The following CWH43 variants were observed in gnomAD, a reference collection of about 807,000 sequenced individuals.
The protein encoded by CWH43 is PGAP2-interacting protein.
CWH43 carries 91 observed loss-of-function variants against 85.7 expected under a neutral mutation model. The observed-to-expected ratio is 1.06, with a 90% CI of 0.90 to 1.26. The LOEUF (loss-of-function observed/expected upper bound fraction) is 1.26, where lower values mean the gene tolerates loss of function less well. Ranked by LOEUF, CWH43 falls within the 50% of genes most tolerant of loss-of-function variation. CWH43 has a pLI of 0.00. For synonymous variants in CWH43, 323 were observed against 293.6 expected (o/e 1.10, Z -1.02); for missense variants, 869 against 839.2 (o/e 1.04, Z -0.44).
At chr4:49,015,393 T>C (rs111604545) in intron 8 of CWH43, among the ~76,000 whole-genome samples, 5 of 152,272 alleles carry the variant, frequency 3.3e-5, no homozygotes, top group African/African-American at 1.2e-4. Context: ...TCCTGTCTTC[T>C]GCTGTTGAGA....
intron 9 of CWH43, among the ~76,000 whole-genome samples, chr4:49,026,032 T>C (rs2109797878): frequency 6.6e-6 from 1 of 152,280 alleles, no homozygotes; most frequent in Admixed American, 6.5e-5. Flanking sequence ...GTAGCTGCTG[T>C]GGGAGATGGG....
intron 13 of CWH43, among the ~76,000 whole-genome samples, chr4:49,040,685 C>T (rs952902451): frequency 3.3e-5 from 5 of 151,594 alleles, no homozygotes; most frequent in East Asian, 1.9e-4. Flanking sequence ...TTCTCCCATT[C>T]TGTAGGTTGC....
intron 15 of CWH43, 92 bp from the exon 16 acceptor site, chr4:49,061,720 T>C (rs1453453615): frequency 9.3e-7 from 1 of 1,074,588 alleles, no homozygotes; most frequent in African/African-American, 1.6e-5. Context: ...CATTTGCTAT[T>C]TTATTTTATG....
chr4:49,052,408 C>G (rs1784827906), intron 15 of CWH43, among the ~76,000 whole-genome samples: 1 of 152,046 alleles, frequency 6.6e-6, no homozygotes, highest in Non-Finnish European at 1.5e-5. Flanking sequence ...ATGAATGGCA[C>G]AAAAAGTTTT....
chr4:48,990,827 C>T (rs1782637611), intron 2 of CWH43, among the ~76,000 whole-genome samples: 1 of 152,112 alleles, frequency 6.6e-6, no homozygotes, highest in African/African-American at 2.4e-5. Flanking sequence ...AACTTGTACA[C>T]AAATGTTCAT....
At chr4:49,056,603 C>A (rs1784972545) in intron 15 of CWH43, among the ~76,000 whole-genome samples, 1 of 151,716 alleles carries the variant, frequency 6.6e-6, no homozygotes, top group African/African-American at 2.4e-5. Context: ...TTTATCTTTT[C>A]AAAAAACCAA....
intron 14 of CWH43, among the ~76,000 whole-genome samples, chr4:49,048,711 C>G (rs1329655272): frequency 2.0e-5 from 3 of 152,032 alleles, no homozygotes; most frequent in Admixed American, 6.6e-5. Context: ...TCAGGCCCCC[C>G]CTGCACTTAT....
At chr4:48,990,469 T>C (rs902019946) in intron 2 of CWH43, among the ~76,000 whole-genome samples, 1 of 152,176 alleles carries the variant, frequency 6.6e-6, no homozygotes, top group African/African-American at 2.4e-5. Flanking sequence ...TGAGATATTC[T>C]TATATAAATA....
chr4:49,004,177 A>G (rs1360130815), intron 7 of CWH43, among the ~76,000 whole-genome samples, 185 bp downstream of exon 7: 1 of 152,220 alleles, frequency 6.6e-6, no homozygotes, highest in African/African-American at 2.4e-5. Flanking sequence ...ATTAAAATCA[A>G]ATGTATTAAT....
intron 14 of CWH43, among the ~76,000 whole-genome samples, chr4:49,046,649 G>A (rs1784632827): frequency 1.3e-5 from 2 of 152,106 alleles, no homozygotes; most frequent in African/African-American, 4.8e-5. Flanking sequence ...GACCCCACCT[G>A]TGCATACCCT....
chr4:49,029,840 T>A (rs1784038662), intron 10 of CWH43, among the ~76,000 whole-genome samples: 1 of 152,194 alleles, frequency 6.6e-6, no homozygotes, highest in South Asian at 2.1e-4. Flanking sequence ...TTGCTCACGT[T>A]TTCCTGCCGA....
chr4:49,030,908 A>G lies in CWH43; in HGVS notation c.1456A>G (p.Lys486Glu). 1 of 1,611,220 alleles carries G rather than the reference A, an allele frequency of 6.2e-7. No individual in the cohort carries two copies. The highest frequency in any genetic ancestry group is 8.5e-7 in the Non-Finnish European group (1 of 1,178,910). Residue 486 changes from lysine to glutamate, a missense_variant, in exon 11 of 16, where the codon AAG (lysine) becomes GAG (glutamate). By Grantham distance (56) the Lys-to-Glu change is moderately conservative (BLOSUM62 1). Transcript: ENST00000226432. Reference sequence around the variant, plus strand: ...TGACTTAACCATGTGGCTAGGGGAAAAGTTGGGTTTCTATACAGACTTTGG... The same window carrying G: ...TGACTTAACCATGTGGCTAGGGGAAGAGTTGGGTTTCTATACAGACTTTGG... ...NNDLTMWLGE[K>E]LGFYTDFGPS...
In CWH43 at chr4:49,044,712, A is replaced by G. The variant is rs958793296; in HGVS notation, c.1804-74A>G. ...CAAAGAGATATTTATCATGTAGCTC[A>G]CACATTTTTTGGCAATGTGGAATAG... On this transcript the variant is annotated intron_variant, in intron 13 of 15. Transcript: ENST00000226432. The G allele has an allele frequency of 3.7e-6, 4 of 1,092,062 alleles. No homozygotes were observed. In the African/African-American group the frequency reaches 6.3e-5, roughly 17 times the overall value. The allele number at this position is 1,092,062 out of a possible 1,614,324, so 67.6% of individuals were successfully genotyped here.
intron 11 of CWH43, among the ~76,000 whole-genome samples, 183 bp from the exon 12 acceptor site, chr4:49,032,383 T>C (rs1017439413): frequency 7.2e-5 from 11 of 152,322 alleles, no homozygotes; most frequent in Admixed American, 3.3e-4. Flanking sequence ...CAGTGAGACA[T>C]GCTATCAGAT....
In CWH43 at chr4:48,987,544, G is replaced by C. The variant is rs574404367; in HGVS notation, c.44-933G>C. ...CTTTCTGAGTCTCAGTGTTTTGTTT[G>C]TTGTTTTGTTCTTGCTTAGTTAGTT... On this transcript the variant is annotated intron_variant, in intron 1 of 15. Coordinates refer to ENST00000226432, the MANE Select transcript of CWH43 (RefSeq NM_025087.3). Among the ~76,000 whole-genome samples the C allele has an allele frequency of 2.0e-5, 3 of 152,226 alleles. No homozygotes were observed. The South Asian group carries it at 6.2e-4, about 32-fold the overall frequency.
At chr4:49,049,552 GCAACAACAA>G (rs576432944) in intron 14 of CWH43, among the ~76,000 whole-genome samples, 2 of 151,320 alleles carry the variant, frequency 1.3e-5, no homozygotes, top group African/African-American at 4.9e-5. Context: ...AACAACAACA[GCAACAACAA>G]CAACAAACTG....
At chr4:49,035,185 A>T (rs1376771929) in intron 12 of CWH43, among the ~76,000 whole-genome samples, 1 of 152,232 alleles carries the variant, frequency 6.6e-6, no homozygotes, top group African/African-American at 2.4e-5. Flanking sequence ...CTTACTGTGA[A>T]TAAATATTTA....
chr4:49,044,579 C>T (rs1784563061), intron 13 of CWH43, among the ~76,000 whole-genome samples: 1 of 152,124 alleles, frequency 6.6e-6, no homozygotes, highest in African/African-American at 2.4e-5. Flanking sequence ...GCATGTGGTA[C>T]AGAAGCTAGA....
At chr4:49,030,421 A>C (rs1239366716) in intron 10 of CWH43, among the ~76,000 whole-genome samples, 2 of 152,226 alleles carry the variant, frequency 1.3e-5, no homozygotes, top group East Asian at 3.8e-4. Flanking sequence ...TCAAGATCTA[A>C]TAAAGCCAAT....
Sources: allele counts gnomAD v4.1 joint callset (sites outside exome capture counted in the v4.1 genomes callset), GRCh38; gene constraint gnomAD v4.1.1; transcripts MANE v1.5; gene names NCBI Gene and HGNC (gene_info 2026-07-23, HGNC 2026-07-21).